The following GALK2 variants were observed in gnomAD, a reference collection of about 807,000 sequenced individuals.
GALK2 encodes N-acetylgalactosamine kinase.
In GALK2, 36 loss-of-function variants were observed where a neutral mutation model predicts 52.4. The observed-to-expected ratio is 0.69, with a 90% CI of 0.53 to 0.91. GALK2 has a LOEUF of 0.91. Among genes scored for constraint, GALK2 ranks in the 40% least tolerant of loss-of-function variants. The probability of loss-of-function intolerance (pLI) is 0.00; values close to 1 mark genes in which losing one functional copy is unlikely to be tolerated. For synonymous variants in GALK2, 176 were observed against 199.1 expected, an observed-to-expected ratio of 0.88 and a Z score of 0.98; for missense variants, 579 against 559.1, an observed-to-expected ratio of 1.04 and a Z score of -0.36.
At chr15:49,179,652 CTTTTT>C (rs71875041) in intron 1 of GALK2, among the ~76,000 whole-genome samples, 1 of 138,180 alleles carries the variant, frequency 7.2e-6, no homozygotes. Flanking sequence ...TTGTTTCTTT[CTTTTT>C]TTTTTTTTTT....
chr15:49,215,450 G>A (rs2089293523), intron 2 of GALK2, among the ~76,000 whole-genome samples: 1 of 152,064 alleles, frequency 6.6e-6, no homozygotes, highest in Non-Finnish European at 1.5e-5. Flanking sequence ...CTCTGACTGT[G>A]TATTTTTATA....
At chr15:49,184,429 C>T (rs867133686) in intron 1 of GALK2, among the ~76,000 whole-genome samples, 2 of 152,070 alleles carry the variant, frequency 1.3e-5, no homozygotes, top group African/African-American at 4.8e-5. Context: ...TTAATCCATT[C>T]AGCCATTCTA....
chr15:49,347,188 A>C (rs1471250375), intron 3 of GALK2, among the ~76,000 whole-genome samples: 1 of 152,242 alleles, frequency 6.6e-6, no homozygotes, highest in Admixed American at 6.5e-5. Flanking sequence ...CACTTATTCA[A>C]GTAAAATAAT....
chr15:49,318,951 TTTC>T (rs1355688153), intron 8 of GALK2: 25 of 450,158 alleles, frequency 5.6e-5, no homozygotes, highest in South Asian at 3.6e-4. Flanking sequence ...CTTTTCTTTC[TTTC>T]TTTTTTTTTT....
chr15:49,366,686 G>A (rs557390327), intron 3 of GALK2: 16 of 1,495,822 alleles, frequency 1.1e-5, no homozygotes, highest in African/African-American at 8.2e-5. Flanking sequence ...CGGCCCCATC[G>A]GACTGGTGGG....
intron 3 of GALK2, chr15:49,225,063 T>C (rs2090049882): frequency 2.8e-6 from 1 of 351,268 alleles, no homozygotes; most frequent in Non-Finnish European, 5.6e-6. Flanking sequence ...CTTCACAGCT[T>C]TTTTTGTATT....
intron 1 of GALK2, among the ~76,000 whole-genome samples, chr15:49,180,916 G>A (rs1385003600): frequency 1.3e-5 from 2 of 152,048 alleles, no homozygotes; most frequent in African/African-American, 4.8e-5. Flanking sequence ...ACTAAATGAT[G>A]TTTCTCTGTG....
intron 2 of GALK2, among the ~76,000 whole-genome samples, chr15:49,206,882 G>C (rs1215169665): frequency 1.3e-5 from 2 of 152,148 alleles, no homozygotes; most frequent in Non-Finnish European, 2.9e-5. Flanking sequence ...ATGTTGAAAA[G>C]GAGTGGTGAG....
intron 5 of GALK2, among the ~76,000 whole-genome samples, chr15:49,258,829 T>TGTGTGTGTGA (rs1335491479): frequency 8.9e-5 from 11 of 124,124 alleles, no homozygotes; most frequent in African/African-American, 1.9e-4. Context: ...TGTGTGTGTG[T>TGTGTGTGTGA]GAGAGAGAGA....
intron 3 of GALK2, 192 bp from the exon 4 acceptor site, chr15:49,235,659 A>T: frequency 1.4e-6 from 1 of 717,102 alleles, no homozygotes; most frequent in Non-Finnish European, 2.6e-6. Flanking sequence ...TAGTTTAGTC[A>T]CTAAGGCCAC....
At chr15:49,366,740 C>T (rs1672244972) in intron 3 of GALK2, 3 of 906,350 alleles carry the variant, frequency 3.3e-6, no homozygotes, top group African/African-American at 1.6e-5. Context: ...GTGGGGTAGG[C>T]TGGGAGTCCC....
chr15:49,159,844 T>C (rs1022610638), intron 1 of GALK2, among the ~76,000 whole-genome samples: 2 of 152,188 alleles, frequency 1.3e-5, no homozygotes, highest in African/African-American at 4.8e-5. Flanking sequence ...TCAGCTTTGA[T>C]TGTATGTATG....
At chr15:49,268,278 A>T (rs1219168504) in intron 5 of GALK2, among the ~76,000 whole-genome samples, 1 of 152,220 alleles carries the variant, frequency 6.6e-6, no homozygotes. Context: ...TATGAGAGAG[A>T]ACAGGGAGAA....
At position 49,253,333 on chromosome 15, in the gene GALK2, T is replaced by C. The variant is rs778369258; in HGVS notation, c.504+13966T>C. Among the ~76,000 whole-genome samples the C allele has an allele frequency of 1.4e-5, 2 of 144,540 alleles. 1 individual carries two copies. Among genetic ancestry groups the C allele is most frequent in the Non-Finnish European group, 3.1e-5 (2 of 64,334 alleles). The allele number at this position is 144,540 out of a possible 152,430, so 94.8% of individuals were successfully genotyped here. ...CACTAAATGGATCCCAGGGTTCTCTTGTCTACTACAGGTGTGACCTTTTAT... is the reference window on the plus strand; with the variant it reads ...CACTAAATGGATCCCAGGGTTCTCTCGTCTACTACAGGTGTGACCTTTTAT... On this transcript the variant is annotated intron_variant, in intron 5 of 9. Coordinates refer to ENST00000560031, the MANE Select transcript of GALK2 (RefSeq NM_002044.4).
intron 3 of GALK2, among the ~76,000 whole-genome samples, chr15:49,349,884 C>T (rs945786842): frequency 1.3e-5 from 2 of 151,806 alleles, no homozygotes; most frequent in Non-Finnish European, 2.9e-5. Flanking sequence ...CACAAAATAA[C>T]CCGAAACTAG....
Position 49,329,634 on chromosome 15 carries a change from T to C in GALK2, c.*1475T>C, listed in dbSNP as rs1261196460. 1 of 984,886 alleles carries C rather than the reference T, an allele frequency of 1.0e-6. No homozygotes were observed. The highest frequency in any genetic ancestry group is 6.1e-5 in the Admixed American group (1 of 16,266). The allele number at this position is 984,886 out of a possible 1,614,324, so 61.0% of individuals were successfully genotyped here. The stretch of plus-strand genomic sequence containing the variant: ...TTTTCATTCTTAGCAGAAAGGTAAA[T>C]GCTTGAGAAAGCTTGAGTCAAATTT... On this transcript the variant is annotated 3_prime_UTR_variant, in exon 10 of 10. Transcript: ENST00000560031.
chr15:49,333,393 T>C (rs1243691989), downstream of GALK2, among the ~76,000 whole-genome samples: 1 of 152,212 alleles, frequency 6.6e-6, no homozygotes, highest in African/African-American at 2.4e-5. Context: ...CAATGTGCCA[T>C]TGCATTAATC....
At chr15:49,234,685 G>C (rs751404911) in intron 3 of GALK2, among the ~76,000 whole-genome samples, 9 of 152,066 alleles carry the variant, frequency 5.9e-5, no homozygotes, top group Non-Finnish European at 1.0e-4. Flanking sequence ...CCTACCATCA[G>C]GTCCCTCCCA....
downstream of GALK2, among the ~76,000 whole-genome samples, chr15:49,336,811 T>C (rs2039795509): frequency 6.6e-6 from 1 of 152,284 alleles, no homozygotes; most frequent in African/African-American, 2.4e-5. Flanking sequence ...GTCATCCAGG[T>C]AGTGAGCACA....
Sources: gnomAD v4.1 joint callset for allele counts (sites outside exome capture counted in the v4.1 genomes callset) on GRCh38, gnomAD v4.1.1 for gene constraint, MANE v1.5 for transcripts, NCBI Gene and HGNC (gene_info 2026-07-23, HGNC 2026-07-21) for gene names.